PACSIN2: variants seen among roughly 807,000 people sequenced by gnomAD.
The protein encoded by PACSIN2 is protein kinase C and casein kinase substrate in neurons 2, also known as protein kinase C and casein kinase substrate in neurons protein 2.
In PACSIN2, 25 loss-of-function variants were observed where a neutral mutation model predicts 63.8. That is an observed-to-expected ratio of 0.39 (90% CI 0.29 to 0.55). The LOEUF (loss-of-function observed/expected upper bound fraction) is 0.55, where lower values mean the gene tolerates loss of function less well. PACSIN2 is among the 20% of genes least tolerant of loss of function. PACSIN2 has a pLI of 0.62. For synonymous variants in PACSIN2, 255 were observed against 256.2 expected, an observed-to-expected ratio of 1.00 and a Z score of 0.05; for missense variants, 518 against 646.9, an observed-to-expected ratio of 0.80 and a Z score of 2.16.
Position 42,983,509 on chromosome 22 carries a change from C to A in PACSIN2, c.-78+31512G>T, listed in dbSNP as rs1031848101. On this transcript the variant is annotated intron_variant, in intron 1 of 10. Coordinates refer to ENST00000263246, the MANE Select transcript of PACSIN2 (RefSeq NM_001184970.3). The stretch of plus-strand genomic sequence containing the variant: ...CATCTCAAAAAAAAAAAAAAAAAAA[C>A]AGATATTGAAGGCAATAAATTATTG... Among the ~76,000 whole-genome samples, 356 of 98,882 alleles carry A rather than the reference C, an allele frequency of 3.6e-3. 1 individual carries two copies. The highest frequency in any genetic ancestry group is 0.015 in the East Asian group (32 of 2,186). The allele number at this position is 98,882 out of a possible 152,430, so 64.9% of individuals were successfully genotyped here.
intron 4 of PACSIN2, among the ~76,000 whole-genome samples, chr22:42,889,372 T>TTACACATACACA (rs1555909664): frequency 2.0e-5 from 2 of 102,488 alleles, no homozygotes; most frequent in Admixed American, 1.0e-4. Flanking sequence ...TTAATGGTTT[T>TTACACATACACA]TACACACACA....
chr22:42,919,512 C>T (rs945580488), intron 1 of PACSIN2, among the ~76,000 whole-genome samples: 1 of 152,104 alleles, frequency 6.6e-6, no homozygotes, highest in African/African-American at 2.4e-5. Context: ...TGGTGGCTCA[C>T]GCCTGTAATT....
intron 8 of PACSIN2, among the ~76,000 whole-genome samples, chr22:42,877,603 C>T (rs964284522): frequency 1.6e-4 from 24 of 152,212 alleles, no homozygotes; most frequent in Admixed American, 1.5e-3. Flanking sequence ...TTTGGTGCTC[C>T]AGAGGGAAAA....
chr22:42,888,840 T>C, intron 4 of PACSIN2, 42 bp from the exon 5 acceptor site: 1 of 1,602,268 alleles, frequency 6.2e-7, no homozygotes, highest in East Asian at 2.2e-5. Context: ...TCACTGGGAG[T>C]TCAGGATCCT....
chr22:43,014,367 ACCCCCCCC>A (rs1160186769), intron 1 of PACSIN2, among the ~76,000 whole-genome samples: 18 of 9,492 alleles, frequency 1.9e-3, no homozygotes, highest in African/African-American at 4.9e-3. Context: ...CACACACACC[ACCCCCCCC>A]CCCCCGGGAC....
chr22:42,871,203 C>G lies in PACSIN2; in HGVS notation c.*154G>C. On this transcript the variant is annotated 3_prime_UTR_variant, in exon 11 of 11. Coordinates refer to ENST00000263246, the MANE Select transcript of PACSIN2 (RefSeq NM_001184970.3). The surrounding 1 kb of genome is among the most constrained non-coding windows in gnomAD (Gnocchi z 5.4). ...ACTCGGAAAGGTGCCGAGTCCCAGG[C>G]GAAATGACCAGCTCATCTGCCTTCC... 1.6e-6 allele frequency: 1 copy of G among 632,078 alleles called. No individual in the cohort carries two copies. Among genetic ancestry groups the G allele is most frequent in the Non-Finnish European group, 2.9e-6 (1 of 347,536 alleles). The allele number at this position is 632,078 out of a possible 1,614,324, so 39.2% of individuals were successfully genotyped here. A position where few individuals can be genotyped will look rare whatever the true frequency, so the allele number is the denominator to read the frequency against.
intron 2 of PACSIN2, among the ~76,000 whole-genome samples, chr22:42,899,931 A>T (rs1930558539): frequency 6.6e-6 from 1 of 152,224 alleles, no homozygotes; most frequent in South Asian, 2.1e-4. Context: ...TGCTAACAAA[A>T]GCTGTAACAT....
chr22:42,881,642 T>G (rs996669278), intron 7 of PACSIN2, among the ~76,000 whole-genome samples: 14 of 152,146 alleles, frequency 9.2e-5, no homozygotes, highest in African/African-American at 2.4e-5. Flanking sequence ...GCATTTCGAA[T>G]GTAAAGATAA....
chr22:42,998,820 A>G (rs1923577971), intron 1 of PACSIN2, among the ~76,000 whole-genome samples: 2 of 151,976 alleles, frequency 1.3e-5, no homozygotes, highest in African/African-American at 4.8e-5. Context: ...AAAACCCCAA[A>G]CCCCAGAATC....
chr22:42,967,723 C>T (rs1920981904), intron 1 of PACSIN2, among the ~76,000 whole-genome samples: 1 of 152,020 alleles, frequency 6.6e-6, no homozygotes, highest in African/African-American at 2.4e-5. Flanking sequence ...CCCATCTCTA[C>T]TAAAAATACA....
At chr22:42,879,901 A>G (rs1447018375) in intron 7 of PACSIN2, among the ~76,000 whole-genome samples, 1 of 152,134 alleles carries the variant, frequency 6.6e-6, no homozygotes, top group Non-Finnish European at 1.5e-5. Context: ...TGATCTGAGC[A>G]CATGCTGGGG....
At chr22:42,892,580 C>T (rs111437031) in intron 3 of PACSIN2, among the ~76,000 whole-genome samples, 23 of 152,312 alleles carry the variant, frequency 1.5e-4, no homozygotes, top group East Asian at 1.9e-4. Context: ...ACACTGCCAC[C>T]GACCAAGGGA....
chr22:42,916,167 C>A (rs1418566777), intron 1 of PACSIN2, among the ~76,000 whole-genome samples: 1 of 152,156 alleles, frequency 6.6e-6, no homozygotes, highest in African/African-American at 2.4e-5. Flanking sequence ...GGTCTCAGTA[C>A]CCCCAGGTCA....
chr22:42,986,626 G>T (rs549994417), intron 1 of PACSIN2, among the ~76,000 whole-genome samples: 1 of 152,184 alleles, frequency 6.6e-6, no homozygotes, highest in African/African-American at 2.4e-5. Context: ...AATCCACATG[G>T]GAACACAATG....
chr22:42,897,024 C>A (rs1238486491), intron 2 of PACSIN2, among the ~76,000 whole-genome samples: 3 of 152,042 alleles, frequency 2.0e-5, no homozygotes, highest in Admixed American at 6.6e-5. Context: ...GTGGCCTTAA[C>A]CTCCCAGGCT....
intron 1 of PACSIN2, among the ~76,000 whole-genome samples, chr22:42,922,480 T>C (rs954447556): frequency 1.3e-5 from 2 of 152,230 alleles, no homozygotes; most frequent in African/African-American, 4.8e-5. Flanking sequence ...TACCCCGCTC[T>C]AATCCTCTAA....
intron 1 of PACSIN2, among the ~76,000 whole-genome samples, chr22:42,958,219 C>T (rs1015844709): frequency 1.3e-5 from 2 of 151,964 alleles, no homozygotes; most frequent in African/African-American, 4.8e-5. Flanking sequence ...CGGCTACCAA[C>T]GAGACGAGTG....
chr22:42,975,804 T>C (rs1056108533), intron 1 of PACSIN2, among the ~76,000 whole-genome samples: 5 of 152,132 alleles, frequency 3.3e-5, no homozygotes, highest in South Asian at 2.1e-4. Flanking sequence ...ATTAGTATGT[T>C]CCAAAACTTA....
chr22:42,927,295 G>C (rs897830588), intron 1 of PACSIN2, among the ~76,000 whole-genome samples: 4 of 151,892 alleles, frequency 2.6e-5, no homozygotes, highest in African/African-American at 9.7e-5. Context: ...GCCCAGACTG[G>C]AGCACAGTGG....
Sources: allele counts gnomAD v4.1 joint callset (sites outside exome capture counted in the v4.1 genomes callset), GRCh38; gene constraint gnomAD v4.1.1; non-coding constraint Gnocchi (gnomAD v3.1); transcripts MANE v1.5; gene names NCBI Gene and HGNC (gene_info 2026-07-23, HGNC 2026-07-21).